Variants in PANX1 observed in about 807,000 individuals in gnomAD.
The protein encoded by PANX1 is pannexin 1.
A neutral mutation model predicts 38.7 loss-of-function variants in PANX1; 30 were observed. That is an observed-to-expected ratio of 0.78 (90% CI 0.58 to 1.05). The LOEUF is 1.05. PANX1 is among the 50% of genes least tolerant of loss of function. The pLI is 0.00. For synonymous variants in PANX1, 230 were observed against 212.2 expected (o/e 1.08, Z -0.73); for missense variants, 551 against 517.2 (o/e 1.07, Z -0.63).
chr11:94,163,002 A>G (rs1947064456), intron 2 of PANX1, among the ~76,000 whole-genome samples: 1 of 150,874 alleles, frequency 6.6e-6, no homozygotes, highest in South Asian at 2.1e-4. Context: ...CCCACCAAGT[A>G]GCTGGGACTA....
intron 2 of PANX1, among the ~76,000 whole-genome samples, chr11:94,154,115 T>G (rs907025630): frequency 2.0e-5 from 3 of 152,170 alleles, no homozygotes; most frequent in Non-Finnish European, 4.4e-5. Flanking sequence ...AAAAGCCTAG[T>G]GATGAGGCCC....
chr11:94,142,288 C>T (rs1433918321), intron 1 of PANX1, among the ~76,000 whole-genome samples: 1 of 152,158 alleles, frequency 6.6e-6, no homozygotes, highest in Non-Finnish European at 1.5e-5. Context: ...ACTGCAGCCT[C>T]AGCTGGTCAT....
chr11:94,162,759 A>T, intron 2 of PANX1, among the ~76,000 whole-genome samples: 1 of 152,062 alleles, frequency 6.6e-6, no homozygotes, highest in East Asian at 1.9e-4. Context: ...CAGTGAGATG[A>T]ATCCGGTTCC....
intron 1 of PANX1, among the ~76,000 whole-genome samples, chr11:94,135,929 C>T (rs1399476796): frequency 1.3e-5 from 2 of 152,150 alleles, no homozygotes; most frequent in Admixed American, 1.3e-4. Flanking sequence ...ATAGGTGTCA[C>T]CTCACTGTTT....
intron 2 of PANX1, among the ~76,000 whole-genome samples, chr11:94,157,077 A>G (rs1591515771): frequency 6.6e-6 from 1 of 152,110 alleles, no homozygotes; most frequent in Non-Finnish European, 1.5e-5. Context: ...TTATGGCTGC[A>G]TAGTATTCCA....
rs780437118 is a variant in PANX1 at position 94,129,309 on chromosome 11, A to C, written c.-4A>C. ...CTCCTGGTCGAGCCTGGCGCGCCGC[A>C]GCCATGGCCATCGCTCAACTGGCCA... On this transcript the variant is annotated 5_prime_UTR_variant, in exon 1 of 5. Coordinates refer to ENST00000227638, the MANE Select transcript of PANX1 (RefSeq NM_015368.4). 6.3e-7 allele frequency: 1 copy of C among 1,599,380 alleles called. No individual in the cohort carries two copies. The highest frequency in any genetic ancestry group is 8.6e-7 in the Non-Finnish European group (1 of 1,168,576).
chr11:94,153,715 C>A, intron 2 of PANX1, 85 bp downstream of exon 2: 1 of 1,287,788 alleles, frequency 7.8e-7, no homozygotes, highest in South Asian at 1.4e-5. Context: ...AAAGACCACA[C>A]AGATATTGTA....
At chr11:94,139,346 A>G (rs1946734433) in intron 1 of PANX1, among the ~76,000 whole-genome samples, 2 of 152,340 alleles carry the variant, frequency 1.3e-5, no homozygotes, top group South Asian at 4.1e-4. Flanking sequence ...AATTTCTCAT[A>G]ATATATCAGA....
Position 94,152,208 on chromosome 11 carries a change from C to G in PANX1, c.182-1283C>G, listed in dbSNP as rs557693213. 3.9e-4 allele frequency among the ~76,000 whole-genome samples: 60 copies of G among 152,284 alleles called. 1 individual carries two copies. Among genetic ancestry groups the G allele is most frequent in the Non-Finnish European group, 8.1e-4 (55 of 68,022 alleles). On this transcript the variant is annotated intron_variant, in intron 1 of 4. Transcript: ENST00000227638. ...TTGCTTCATCTAGAAAAATGTAACA[C>G]TAATTCAGCAACTTCTGGGAACCAG...
Position 94,129,305 on chromosome 11 carries a change from C to CCG in PANX1, c.-6_-5dup, listed in dbSNP as rs1159769211. ...GGACCTCCTGGTCGAGCCTGGCGCG[C>CCG]CGCAGCCATGGCCATCGCTCAACTG... On this transcript the variant is annotated 5_prime_UTR_variant, in exon 1 of 5. Transcript: ENST00000227638. 6.3e-7 allele frequency: 1 copy of CCG among 1,598,334 alleles called. No homozygotes were observed. Among genetic ancestry groups the CCG allele is most frequent in the African/African-American group, 1.3e-5 (1 of 74,612 alleles).
At chr11:94,176,304 T>G (rs1354812802) in intron 2 of PANX1, among the ~76,000 whole-genome samples, 1 of 151,632 alleles carries the variant, frequency 6.6e-6, no homozygotes, top group Non-Finnish European at 1.5e-5. Context: ...TATATATTAT[T>G]TTATGCATTT....
At chr11:94,172,980 G>A (rs1288387991) in intron 2 of PANX1, among the ~76,000 whole-genome samples, 1 of 151,750 alleles carries the variant, frequency 6.6e-6, no homozygotes, top group Non-Finnish European at 1.5e-5. Flanking sequence ...GTGCTGAATA[G>A]AAGCCATGCC....
intron 1 of PANX1, among the ~76,000 whole-genome samples, chr11:94,139,490 A>G (rs1428350203): frequency 6.6e-6 from 1 of 152,222 alleles, no homozygotes; most frequent in Non-Finnish European, 1.5e-5. Context: ...GATATATAAT[A>G]AATATTTATT....
chr11:94,142,445 A>C (rs1946774171), intron 1 of PANX1, among the ~76,000 whole-genome samples: 1 of 152,128 alleles, frequency 6.6e-6, no homozygotes, highest in South Asian at 2.1e-4. Flanking sequence ...GATGTCCTTT[A>C]TCTGACCCCA....
chr11:94,180,892 A>T lies in PANX1; in HGVS notation c.*23A>T, dbSNP rs781602062. ...TGATGATTTTTTTCCTTGAGCTGTA[A>T]ATCTGTGACTTCTGCGACATGGGAT... On this transcript the variant is annotated 3_prime_UTR_variant, in exon 5 of 5. Coordinates refer to ENST00000227638, the MANE Select transcript of PANX1 (RefSeq NM_015368.4). 6.6e-6 allele frequency: 9 copies of T among 1,364,424 alleles called. No homozygotes were observed. Among genetic ancestry groups the T allele is most frequent in the Non-Finnish European group, 9.4e-6 (9 of 952,530 alleles). The allele number at this position is 1,364,424 out of a possible 1,614,324, so 84.5% of individuals were successfully genotyped here.
chr11:94,152,828 G>A (rs1038501920), intron 1 of PANX1, among the ~76,000 whole-genome samples: 4 of 152,176 alleles, frequency 2.6e-5, no homozygotes, highest in South Asian at 2.1e-4. Context: ...GCGAGTGAAC[G>A]GTAGAGCCCC....
At chr11:94,133,995 C>G (rs932203688) in intron 1 of PANX1, among the ~76,000 whole-genome samples, 1 of 151,556 alleles carries the variant, frequency 6.6e-6, no homozygotes, top group African/African-American at 2.5e-5. Context: ...TGGGTCAGGC[C>G]TGTCCTGGCC....
Position 94,181,271 on chromosome 11 carries a change from A to C in PANX1, c.*402A>C. The C allele has an allele frequency of 5.7e-6, 1 of 174,882 alleles. No individual in the cohort carries two copies. Among genetic ancestry groups the C allele is most frequent in the Non-Finnish European group, 1.2e-5 (1 of 81,332 alleles). 10.8% of individuals were successfully genotyped at this position (174,882 alleles called of 1,614,324 possible). ...AAGATTTGTTTTGTTTTCATGGAATAATAATATGTCAGGGTATAATTTAAC... is the reference window on the plus strand; with the variant it reads ...AAGATTTGTTTTGTTTTCATGGAATCATAATATGTCAGGGTATAATTTAAC... On this transcript the variant is annotated 3_prime_UTR_variant, in exon 5 of 5. Coordinates refer to ENST00000227638, the MANE Select transcript of PANX1 (RefSeq NM_015368.4).
chr11:94,133,090 C>A (rs945549451), intron 1 of PANX1, among the ~76,000 whole-genome samples: 2 of 152,242 alleles, frequency 1.3e-5, no homozygotes, highest in Admixed American at 6.5e-5. Flanking sequence ...GCCACAGAGA[C>A]CCATGGGCAT....
Sources: gnomAD v4.1 joint callset for allele counts (sites outside exome capture counted in the v4.1 genomes callset) on GRCh38, gnomAD v4.1.1 for gene constraint, MANE v1.5 for transcripts, NCBI Gene and HGNC (gene_info 2026-07-23, HGNC 2026-07-21) for gene names.